ATE1: variants seen among roughly 807,000 people sequenced by gnomAD.
ATE1 encodes arginyltransferase 1.
In ATE1, 36 loss-of-function variants were observed where a neutral mutation model predicts 70.5. The observed-to-expected ratio is 0.51, with a 90% CI of 0.39 to 0.67. The LOEUF is 0.67. Among genes scored for constraint, ATE1 ranks in the 30% least tolerant of loss-of-function variants. The pLI, the probability that ATE1 is intolerant of heterozygous loss-of-function variation, is 0.00. For synonymous variants in ATE1, 232 were observed against 219.3 expected, an observed-to-expected ratio of 1.06 and a Z score of -0.51; for missense variants, 593 against 629.5, an observed-to-expected ratio of 0.94 and a Z score of 0.62.
rs1951540570 is a variant in ATE1 at position 121,913,875 on chromosome 10, A to C, written c.252T>G (p.Phe84Leu). 2 of 1,612,760 alleles carry C rather than the reference A, an allele frequency of 1.2e-6. No homozygotes were observed. Among genetic ancestry groups the C allele is most frequent in the African/African-American group, 2.7e-5 (2 of 75,024 alleles). The change falls in exon 4 of 12, where the codon TTT (phenylalanine) becomes TTG (leucine). Residue 84 changes from phenylalanine to leucine, a missense_variant. Coordinates refer to ENST00000224652, the MANE Select transcript of ATE1 (RefSeq NM_001001976.3). The stretch of plus-strand genomic sequence containing the variant: ...CCTTCTTGTGAGATTTTGAAGGCTG[A>C]AATTGTAAAGGTCGGCACCTAGGAA... ...QYTIRCRPLQ[F>L]QPSKSHKKVL... is the part of the protein sequence containing the mutation.
At chr10:121,895,591 T>C (rs1950749293) in intron 7 of ATE1, among the ~76,000 whole-genome samples, 1 of 151,550 alleles carries the variant, frequency 6.6e-6, no homozygotes, top group South Asian at 2.1e-4. Flanking sequence ...TCCAGCCTGG[T>C]TGACAAGAGC....
intron 1 of ATE1, 70 bp downstream of exon 1, chr10:121,927,774 C>A: frequency 6.7e-7 from 1 of 1,484,642 alleles, no homozygotes; most frequent in Non-Finnish European, 9.0e-7. Flanking sequence ...CTCGCGTCCT[C>A]GCTGGGGGAC....
intron 8 of ATE1, among the ~76,000 whole-genome samples, chr10:121,861,697 T>A (rs1360526204): frequency 6.7e-6 from 1 of 149,014 alleles, no homozygotes; most frequent in African/African-American, 2.5e-5. Flanking sequence ...CATGTATACA[T>A]ACGTAACTAA....
Position 121,902,637 on chromosome 10 carries a change from A to G in ATE1, c.584-17T>C, listed in dbSNP as rs1951027267. ...CCCCTTTGCCTAAAAAGAATTTTAA[A>G]ATATTAGACCAATCACATTTGGTTC... On this transcript the variant is annotated splice_polypyrimidine_tract_variant and intron_variant, in intron 5 of 11. Transcript: ENST00000224652. 6.4e-7 allele frequency: 1 copy of G among 1,571,524 alleles called. No homozygotes were observed. The highest frequency in any genetic ancestry group is 8.6e-7 in the Non-Finnish European group (1 of 1,158,236).
chr10:121,926,634 C>G, intron 1 of ATE1: 2 of 754,890 alleles, frequency 2.6e-6, no homozygotes, highest in Non-Finnish European at 3.2e-6. Flanking sequence ...ATTTTAGGCA[C>G]GTTTAATGTA....
At chr10:121,820,943 A>C (rs1455956282) in intron 10 of ATE1, among the ~76,000 whole-genome samples, 1 of 152,184 alleles carries the variant, frequency 6.6e-6, no homozygotes, top group African/African-American at 2.4e-5. Flanking sequence ...ATATAGGAAA[A>C]CATTTCCCTT....
intron 3 of ATE1, among the ~76,000 whole-genome samples, chr10:121,914,422 G>A (rs1362176546): frequency 1.3e-5 from 2 of 151,270 alleles, no homozygotes; most frequent in African/African-American, 4.9e-5. Context: ...AAAAGAGAAG[G>A]ACAGAAGTGT....
At chr10:121,902,299 A>G in intron 6 of ATE1, 92 bp downstream of exon 6, 1 of 1,117,080 alleles carries the variant, frequency 9.0e-7, no homozygotes. Flanking sequence ...ACTAGCAAAC[A>G]TCAACTAATT....
intron 5 of ATE1, among the ~76,000 whole-genome samples, chr10:121,907,843 A>C (rs1176037966): frequency 6.6e-6 from 1 of 152,128 alleles, no homozygotes; most frequent in Non-Finnish European, 1.5e-5. Context: ...ATAACCTCAT[A>C]AGTCTATTTG....
At chr10:121,844,907 TAA>T (rs74264560) in intron 8 of ATE1, among the ~76,000 whole-genome samples, 4 of 144,128 alleles carry the variant, frequency 2.8e-5, no homozygotes, top group Non-Finnish European at 3.1e-5. Context: ...ATAATGAGTT[TAA>T]AAAAAAAAAA....
chr10:121,802,394 C>T (rs1362959923), intron 10 of ATE1, among the ~76,000 whole-genome samples: 1 of 151,926 alleles, frequency 6.6e-6, no homozygotes, highest in Non-Finnish European at 1.5e-5. Flanking sequence ...CTGCAACCTC[C>T]GCCTCCTAGG....
chr10:121,772,540 T>C (rs1381220323), intron 11 of ATE1, among the ~76,000 whole-genome samples: 1 of 152,160 alleles, frequency 6.6e-6, no homozygotes, highest in African/African-American at 2.4e-5. Context: ...CCCAGACTTA[T>C]TCGGAATGAA....
At chr10:121,888,259 T>G (rs1322564401) in intron 7 of ATE1, among the ~76,000 whole-genome samples, 2 of 152,016 alleles carry the variant, frequency 1.3e-5, no homozygotes, top group East Asian at 3.9e-4. Context: ...CCGGGCGTGG[T>G]GGCAGGCGCC....
rs1385900750 is a variant in ATE1 at position 121,902,562 on chromosome 10, T to C, written c.642A>G (p.Glu214=). The part of the protein sequence containing the change: ...PCRKAKEIRK[E]RKRLKLMQQN... ...GCTGCATTAGTTTTAACCTTTTCCT[T>C]TCTTTCCGGATTTCCTTTGCTTTTC... Residue 214 remains glutamate, a synonymous_variant, in exon 6 of 12, where the codon GAA becomes GAG. Transcript: ENST00000224652. 1 of 1,614,148 alleles carries C rather than the reference T, an allele frequency of 6.2e-7. No individual in the cohort carries two copies. The highest frequency in any genetic ancestry group is 1.3e-5 in the African/African-American group (1 of 75,048).
chr10:121,821,159 T>C lies in ATE1; in HGVS notation c.1257+15559A>G, dbSNP rs1401905304. On this transcript the variant is annotated intron_variant, in intron 10 of 11. Transcript: ENST00000224652. The stretch of plus-strand genomic sequence containing the variant: ...CGGGGTTTCACCATGTTAGCCAGGA[T>C]GGTCTCGATCTCCTGACCTCGTGAT... 2.6e-5 allele frequency among the ~76,000 whole-genome samples: 4 copies of C among 152,244 alleles called. No homozygotes were observed. In the East Asian group the frequency reaches 7.8e-4, roughly 30 times the overall value.
intron 10 of ATE1, among the ~76,000 whole-genome samples, chr10:121,793,228 T>C (rs1175446078): frequency 6.6e-6 from 1 of 152,224 alleles, no homozygotes; most frequent in Non-Finnish European, 1.5e-5. Flanking sequence ...TATCACTGCA[T>C]GTCCACTAGA....
intron 5 of ATE1, among the ~76,000 whole-genome samples, chr10:121,905,637 T>C (rs1263365133): frequency 6.6e-6 from 1 of 151,042 alleles, no homozygotes; most frequent in Admixed American, 6.6e-5. Context: ...AGGTCAGGAG[T>C]TTTGAGACCA....
chr10:121,834,905 T>C (rs1204781766), intron 10 of ATE1, among the ~76,000 whole-genome samples: 2 of 152,172 alleles, frequency 1.3e-5, no homozygotes, highest in East Asian at 3.8e-4. Context: ...GGTCGTGTAC[T>C]ACATAAAGGA....
At chr10:121,877,763 A>G (rs1451773563) in intron 7 of ATE1, among the ~76,000 whole-genome samples, 1 of 152,184 alleles carries the variant, frequency 6.6e-6, no homozygotes, top group East Asian at 1.9e-4. Context: ...AAAACACCAT[A>G]TGTTAATGAG....
Sources: allele counts gnomAD v4.1 joint callset (sites outside exome capture counted in the v4.1 genomes callset), GRCh38; gene constraint gnomAD v4.1.1; transcripts MANE v1.5; gene names NCBI Gene and HGNC (gene_info 2026-07-23, HGNC 2026-07-21).